The following USH2A variants were observed in gnomAD, a reference collection of about 807,000 sequenced individuals.
USH2A encodes usherin.
USH2A carries 443 observed loss-of-function variants against 538.9 expected under a neutral mutation model. That is an observed-to-expected ratio of 0.82 (90% CI 0.76 to 0.89). USH2A has a LOEUF of 0.89. Among genes scored for constraint, USH2A ranks in the 40% least tolerant of loss-of-function variants. The probability of loss-of-function intolerance (pLI) is 0.00; values close to 1 mark genes in which losing one functional copy is unlikely to be tolerated. For missense variants in USH2A, 6,633 were observed against 6,324.8 expected, an observed-to-expected ratio of 1.05 and a Z score of -1.65; for synonymous variants, 2,413 against 2,273.5, an observed-to-expected ratio of 1.06 and a Z score of -1.75.
rs561982317 is a variant in USH2A, at chr1:215,954,135, C to A, written c.7120+11182G>T. Among the ~76,000 whole-genome samples, 44 of 152,234 alleles carry A rather than the reference C, an allele frequency of 2.9e-4. 1 individual carries two copies. The East Asian group carries it at 8.1e-3, about 28-fold the overall frequency. Reference sequence around the variant, plus strand: ...TTGGTGGGACTGTAAACTAGTTCAACCATTGTGGAAATCAGTGTGGCGATT... The same window carrying A: ...TTGGTGGGACTGTAAACTAGTTCAAACATTGTGGAAATCAGTGTGGCGATT... On this transcript the variant is annotated intron_variant, in intron 37 of 71. Transcript: ENST00000307340.
intron 47 of USH2A, among the ~76,000 whole-genome samples, chr1:215,821,633 G>A (rs968619520): frequency 2.0e-5 from 3 of 151,454 alleles, no homozygotes; most frequent in African/African-American, 7.3e-5. Flanking sequence ...CCATTTTTCT[G>A]TTTTTGCTTC....
chr1:216,242,446 A>G (rs2035958156), intron 13 of USH2A, among the ~76,000 whole-genome samples: 1 of 151,938 alleles, frequency 6.6e-6, no homozygotes, highest in Admixed American at 6.6e-5. Context: ...CATTTAATTG[A>G]CGATACTGAG....
rs552567429 is a variant in USH2A at position 215,729,723 on chromosome 1, T to A, written c.11712-1339A>T. Among the ~76,000 whole-genome samples the A allele has an allele frequency of 1.0e-3, 154 of 152,310 alleles. 3 individuals carry two copies. The South Asian group carries it at 0.03, about 30-fold the overall frequency. ...ATGGCTAACTGCAGCCTCAAACTCC[T>A]GGACTCAAGAAATCCTCCTGCCTCA... On this transcript the variant is annotated intron_variant, in intron 60 of 71. Transcript: ENST00000307340.
At position 216,417,527 on chromosome 1, in the gene USH2A, C is replaced by T. The variant is rs186707750; in HGVS notation, c.651+987G>A. Among the ~76,000 whole-genome samples the T allele has an allele frequency of 1.3e-3, 200 of 152,194 alleles. 5 individuals are homozygous for T. Among genetic ancestry groups the T allele is most frequent in the Non-Finnish European group, 6.9e-4 (47 of 68,002 alleles). ...TTATTGGAACATGTAGACGTTTTCTCATCAGTACTTTAACACCATCCACCT... is the reference window on the plus strand; with the variant it reads ...TTATTGGAACATGTAGACGTTTTCTTATCAGTACTTTAACACCATCCACCT... On this transcript the variant is annotated intron_variant, in intron 3 of 71. Coordinates refer to ENST00000307340, the MANE Select transcript of USH2A (RefSeq NM_206933.4).
rs1665271171 is a variant in USH2A, at chr1:215,894,230, C to G, written c.7595-5176G>C. ...CTTTCTTCATTAAATAAAATGTACT[C>G]ATATAAATATGTTCCACTCTCATTT... is the stretch of plus-strand genomic sequence containing the variant. On this transcript the variant is annotated intron_variant, in intron 40 of 71. Coordinates refer to ENST00000307340, the MANE Select transcript of USH2A (RefSeq NM_206933.4). 4.6e-5 allele frequency among the ~76,000 whole-genome samples: 7 copies of G among 152,236 alleles called. No homozygotes were observed. In the South Asian group the frequency reaches 1.5e-3, roughly 32 times the overall value.
rs140114178 is a variant in USH2A at position 216,421,454 on chromosome 1, T to C, written c.485+398A>G. 5.9e-5 allele frequency among the ~76,000 whole-genome samples: 9 copies of C among 152,262 alleles called. No homozygotes were observed. The East Asian group carries it at 1.7e-3, about 29-fold the overall frequency. On this transcript the variant is annotated intron_variant, in intron 2 of 71. Coordinates refer to ENST00000307340, the MANE Select transcript of USH2A (RefSeq NM_206933.4). ...AACTATCTGCCTAATGAAAATGTTA[T>C]ACCCTAGTAAGGAAATGTTGATTAT...
intron 4 of USH2A, among the ~76,000 whole-genome samples, chr1:216,363,090 A>C (rs2038528104): frequency 1.3e-5 from 2 of 152,014 alleles, no homozygotes; most frequent in South Asian, 2.1e-4. Flanking sequence ...CCAGTTAATT[A>C]TATGTTAATA....
chr1:215,974,841 T>C (rs1348136262), intron 35 of USH2A, among the ~76,000 whole-genome samples: 1 of 152,214 alleles, frequency 6.6e-6, no homozygotes, highest in East Asian at 1.9e-4. Context: ...TTGTTTTCCT[T>C]TGGGTACATA....
In USH2A at chr1:215,648,779, G is replaced by T. The variant is rs745325807; in HGVS notation, c.14344-13C>A. On this transcript the variant is annotated splice_polypyrimidine_tract_variant and intron_variant, in intron 65 of 71. Transcript: ENST00000307340. The stretch of plus-strand genomic sequence containing the variant: ...TGCCTTCGGATAGCTGTGGAAGGAA[G>T]GAAGGCTAGATAAAGGCAGTGTCAA... The T allele has an allele frequency of 6.2e-7, 1 of 1,610,256 alleles. No individual in the cohort carries two copies. Among genetic ancestry groups the T allele is most frequent in the Admixed American group, 1.7e-5 (1 of 60,022 alleles).
chr1:216,299,570 C>T lies in USH2A; in HGVS notation c.1645-7200G>A, dbSNP rs2102620387. Among the ~76,000 whole-genome samples the T allele has an allele frequency of 2.0e-5, 3 of 152,120 alleles. 1 individual carries two copies. The East Asian group carries it at 5.8e-4, about 29-fold the overall frequency. On this transcript the variant is annotated intron_variant, in intron 9 of 71. Coordinates refer to ENST00000307340, the MANE Select transcript of USH2A (RefSeq NM_206933.4). Reference sequence around the variant, plus strand: ...ATAACTTTATTTTTTCCACAGTGTACATTTATTACTAATGTATTAAAAATT... The same window carrying T: ...ATAACTTTATTTTTTCCACAGTGTATATTTATTACTAATGTATTAAAAATT...
At position 215,999,537 on chromosome 1, in the gene USH2A, A is replaced by G. The variant is rs187352503; in HGVS notation, c.6486-479T>C. ...ATGAAGTGACACACTACTTAGATAC[A>G]TAAGATTTTATTCTTAACAGATGGA... On this transcript the variant is annotated intron_variant, in intron 33 of 71. Transcript: ENST00000307340. 1.0e-3 allele frequency among the ~76,000 whole-genome samples: 158 copies of G among 152,310 alleles called. 1 individual carries two copies. Among genetic ancestry groups the G allele is most frequent in the African/African-American group, 3.7e-3 (155 of 41,584 alleles).
rs187399522 is a variant in USH2A, at chr1:215,936,076, C to A, written c.7121-1281G>T. 3.9e-3 allele frequency among the ~76,000 whole-genome samples: 589 copies of A among 151,916 alleles called. 2 individuals are homozygous for A. Among genetic ancestry groups the A allele is most frequent in the Non-Finnish European group, 5.1e-3 (343 of 67,868 alleles). On this transcript the variant is annotated intron_variant, in intron 37 of 71. Coordinates refer to ENST00000307340, the MANE Select transcript of USH2A (RefSeq NM_206933.4). ...GAGCACCAATATTTACTTCAAATAA[C>A]CTTTTTCCTATATAAAACCACTTTT...
In USH2A at chr1:216,378,889, T is replaced by C. The variant is rs573597958; in HGVS notation, c.652-13804A>G. 2.2e-3 allele frequency among the ~76,000 whole-genome samples: 337 copies of C among 152,320 alleles called. 3 individuals are homozygous for C. Among genetic ancestry groups the C allele is most frequent in the African/African-American group, 7.9e-3 (329 of 41,568 alleles). ...TTTTTCTCCATCTGTTTTCATTTTC[T>C]GAAACTTTTTGTAGGTGGACATTGG... On this transcript the variant is annotated intron_variant, in intron 3 of 71. Transcript: ENST00000307340.
intron 9 of USH2A, among the ~76,000 whole-genome samples, chr1:216,320,113 G>GTGA (rs2037578066): frequency 6.6e-6 from 1 of 152,114 alleles, no homozygotes; most frequent in Non-Finnish European, 1.5e-5. Flanking sequence ...ATGTTGAAAT[G>GTGA]TGATCCCCAG....
chr1:216,361,537 C>A (rs953041010), intron 4 of USH2A, among the ~76,000 whole-genome samples: 1 of 152,032 alleles, frequency 6.6e-6, no homozygotes, highest in Non-Finnish European at 1.5e-5. Context: ...ATATGGAAGA[C>A]CTCCTATAAA....
chr1:216,331,019 CA>C lies in USH2A; in HGVS notation c.785-3366del, dbSNP rs554650421. ...GCTGGGTTTTATAACCTTTAAAAAC[CA>C]TTTTAGTTTTAAATTTTGGAGCTTG... is the stretch of plus-strand genomic sequence containing the variant. On this transcript the variant is annotated intron_variant, in intron 4 of 71. Coordinates refer to ENST00000307340, the MANE Select transcript of USH2A (RefSeq NM_206933.4). Among the ~76,000 whole-genome samples, 12 of 151,982 alleles carry C rather than the reference CA, an allele frequency of 7.9e-5. No individual in the cohort carries two copies. The South Asian group carries it at 1.2e-3, about 16-fold the overall frequency.
chr1:215,874,067 G>A (rs147052842), intron 43 of USH2A, among the ~76,000 whole-genome samples: 2,728 of 152,238 alleles, frequency 0.018, 34 homozygotes, highest in Middle Eastern at 0.044. Context: ...GTGTTGTTAG[G>A]TGCTGAAAAT....
At position 216,012,957 on chromosome 1, in the gene USH2A, C is replaced by T. The variant is rs559179742; in HGVS notation, c.6326-12395G>A. Among the ~76,000 whole-genome samples, 219 of 152,266 alleles carry T rather than the reference C, an allele frequency of 1.4e-3. 2 individuals carry two copies. Among genetic ancestry groups the T allele is most frequent in the African/African-American group, 5.2e-3 (214 of 41,552 alleles). On this transcript the variant is annotated intron_variant, in intron 32 of 71. Transcript: ENST00000307340. ...CCGTTCTCAACTACTCATACATGTCCTGCTCTTGTTTACACTGCCAGTTTA... is the reference window on the plus strand; with the variant it reads ...CCGTTCTCAACTACTCATACATGTCTTGCTCTTGTTTACACTGCCAGTTTA...
intron 71 of USH2A, among the ~76,000 whole-genome samples, chr1:215,627,418 TTCCTTCCTTCCTTCCTTCCTTCC>T (rs1571913237): frequency 3.4e-5 from 4 of 118,242 alleles, no homozygotes; most frequent in East Asian, 2.8e-4. Context: ...CCTTCCTTCC[TTCCTTCCTTCCTTCCTTCCTTCC>T]TTCCTTCCTT....
Sources: gnomAD v4.1 joint callset for allele counts (sites outside exome capture counted in the v4.1 genomes callset) on GRCh38, gnomAD v4.1.1 for gene constraint, MANE v1.5 for transcripts, NCBI Gene and HGNC (gene_info 2026-07-23, HGNC 2026-07-21) for gene names.